The following LRP1B variants were observed in gnomAD, a reference collection of about 807,000 sequenced individuals.
The protein encoded by LRP1B is LDL receptor related protein 1B.
Under a neutral mutation model 556.6 loss-of-function variants are expected in LRP1B, and 217 were observed. That is an observed-to-expected ratio of 0.39 (90% CI 0.35 to 0.44). The LOEUF is 0.44. LRP1B is among the 20% of genes least tolerant of loss of function. LRP1B has a pLI of 1.00. For synonymous variants in LRP1B, 2,047 were observed against 1,865.8 expected, an observed-to-expected ratio of 1.10 and a Z score of -2.50; for missense variants, 5,053 against 5,620.8, an observed-to-expected ratio of 0.90 and a Z score of 3.23.
chr2:140,361,628 C>A (rs193083035), intron 72 of LRP1B, among the ~76,000 whole-genome samples: 1 of 151,088 alleles, frequency 6.6e-6, no homozygotes, highest in South Asian at 2.1e-4. Context: ...CCTCACTCTT[C>A]TTTTTTGCAG....
chr2:140,601,395 G>A (rs2105197719), intron 42 of LRP1B, 55 bp downstream of exon 42: 2 of 1,270,816 alleles, frequency 1.6e-6, no homozygotes, highest in Non-Finnish European at 2.1e-6. Flanking sequence ...ACAGAACTCT[G>A]ATATTCTTTT....
chr2:141,415,478 T>C (rs73963075), intron 3 of LRP1B, among the ~76,000 whole-genome samples: 15,072 of 152,206 alleles, frequency 0.099, 2,434 homozygotes, highest in African/African-American at 0.34. Context: ...GTGCCCAGAC[T>C]GCCCCAAATA....
intron 32 of LRP1B, among the ~76,000 whole-genome samples, chr2:140,810,675 C>G (rs1690887260): frequency 6.6e-6 from 1 of 152,150 alleles, no homozygotes; most frequent in Admixed American, 6.6e-5. Context: ...TTTAAATCCT[C>G]AGACTGCTAG....
intron 82 of LRP1B, 85 bp downstream of exon 82, chr2:140,321,878 C>G (rs970284356): frequency 1.5e-6 from 2 of 1,333,814 alleles, no homozygotes; most frequent in East Asian, 2.3e-5. Flanking sequence ...GATGATGGAA[C>G]AGATAATTTC....
intron 66 of LRP1B, among the ~76,000 whole-genome samples, chr2:140,387,577 A>ATT (rs34523312): frequency 1.9e-4 from 28 of 148,870 alleles, no homozygotes; most frequent in Middle Eastern, 3.4e-3. Flanking sequence ...GCATTTTTCT[A>ATT]TTTTTTTTTT....
chr2:141,289,495 CT>C (rs1685861687), intron 3 of LRP1B, among the ~76,000 whole-genome samples: 1 of 151,256 alleles, frequency 6.6e-6, no homozygotes, highest in Middle Eastern at 3.2e-3. Flanking sequence ...AATACTACCA[CT>C]GTCATTATTT....
At chr2:140,824,599 A>G (rs1020544079) in intron 31 of LRP1B, among the ~76,000 whole-genome samples, 6 of 152,138 alleles carry the variant, frequency 3.9e-5, no homozygotes, top group Admixed American at 1.3e-4. Flanking sequence ...CTTCCTAGCT[A>G]GTCATGTACT....
intron 4 of LRP1B, among the ~76,000 whole-genome samples, chr2:141,251,784 A>C (rs1449627079): frequency 1.3e-5 from 2 of 152,154 alleles, no homozygotes; most frequent in East Asian, 3.9e-4. Flanking sequence ...TGGCACCCAG[A>C]AAATAAAGGC....
At chr2:141,368,709 T>G (rs1008338090) in intron 3 of LRP1B, among the ~76,000 whole-genome samples, 5 of 152,170 alleles carry the variant, frequency 3.3e-5, no homozygotes, top group African/African-American at 1.2e-4. Flanking sequence ...TGATTTCTTA[T>G]AAAAATTTAA....
chr2:141,742,921 A>G (rs1263622902), intron 2 of LRP1B, among the ~76,000 whole-genome samples: 2 of 152,004 alleles, frequency 1.3e-5, no homozygotes, highest in Admixed American at 6.6e-5. Context: ...CATTGTTGGC[A>G]TATAGAAATG....
chr2:142,056,574 A>G (rs1450528200), intron 1 of LRP1B, among the ~76,000 whole-genome samples: 2 of 152,100 alleles, frequency 1.3e-5, no homozygotes. Flanking sequence ...TGGACAGGGA[A>G]GTAGTACAGT....
intron 83 of LRP1B, among the ~76,000 whole-genome samples, chr2:140,304,687 T>C (rs1396696793): frequency 6.6e-6 from 1 of 152,182 alleles, no homozygotes. Flanking sequence ...ATTCTGGCTT[T>C]TGTTGCCATT....
intron 21 of LRP1B, among the ~76,000 whole-genome samples, chr2:140,910,096 C>CAAAAAA (rs143067007): frequency 2.9e-4 from 43 of 146,068 alleles, no homozygotes; most frequent in Middle Eastern, 4.0e-3. Context: ...AGAATCTTAC[C>CAAAAAA]AAAACAAAAA....
chr2:141,605,382 A>ATT (rs34672355), intron 2 of LRP1B, among the ~76,000 whole-genome samples: 24,983 of 151,566 alleles, frequency 0.16, 2,473 homozygotes, highest in South Asian at 0.31. Flanking sequence ...TTTTTATTTT[A>ATT]TTTTTTTTGA....
intron 41 of LRP1B, among the ~76,000 whole-genome samples, chr2:140,631,111 T>A (rs1448624859): frequency 6.6e-6 from 1 of 152,058 alleles, no homozygotes; most frequent in African/African-American, 2.4e-5. Context: ...ACAAGGACAT[T>A]AGAGGAAATG....
At chr2:140,559,129 C>A (rs1680840670) in intron 43 of LRP1B, among the ~76,000 whole-genome samples, 1 of 151,846 alleles carries the variant, frequency 6.6e-6, no homozygotes, top group Admixed American at 6.6e-5. Context: ...AATACAAGGA[C>A]AATTGAACAT....
chr2:140,311,696 A>G (rs932222482), intron 83 of LRP1B, among the ~76,000 whole-genome samples: 1 of 151,970 alleles, frequency 6.6e-6, no homozygotes, highest in African/African-American at 2.4e-5. Context: ...AAAGGCAAGT[A>G]GAACCAAATA....
intron 1 of LRP1B, among the ~76,000 whole-genome samples, chr2:141,912,880 C>T (rs1699940616): frequency 6.6e-6 from 1 of 152,196 alleles, no homozygotes; most frequent in Non-Finnish European, 1.5e-5. Flanking sequence ...TTTCATAATT[C>T]ACTACTCTTC....
At chr2:141,047,047 A>ACTCCAGCCTGCGCGACAGAG (rs1553451699) in intron 11 of LRP1B, among the ~76,000 whole-genome samples, 1 of 140,962 alleles carries the variant, frequency 7.1e-6, no homozygotes, top group Non-Finnish European at 1.6e-5. Context: ...GCAGCACTGC[A>ACTCCAGCCTGCGCGACAGAG]CAAAAATTAA....
Sources: gnomAD v4.1 joint callset for allele counts (sites outside exome capture counted in the v4.1 genomes callset) on GRCh38, gnomAD v4.1.1 for gene constraint, MANE v1.5 for transcripts, NCBI Gene and HGNC (gene_info 2026-07-23, HGNC 2026-07-21) for gene names.